Variants in DRC11L observed in about 807,000 individuals in gnomAD.
DRC11L encodes dynein regulatory complex subunit like-11.
chr7:151,199,574 C>A, the DRC11L span, among the ~76,000 whole-genome samples: 1 of 152,256 alleles, frequency 6.6e-6, no homozygotes, highest in East Asian at 1.9e-4. This position sits in a 1 kb window ranked among gnomAD's most constrained non-coding sequence, Gnocchi z 5.2. Flanking sequence ...CCCAACAAGT[C>A]TCTGACCTCC....
the DRC11L span, chr7:151,192,494 C>G: frequency 2.5e-6 from 1 of 398,856 alleles, no homozygotes; most frequent in Non-Finnish European, 4.4e-6. Flanking sequence ...GGCTGGGGCA[C>G]AGTGGCCCAG....
At chr7:151,193,868 C>T in the DRC11L span, among the ~76,000 whole-genome samples, 5 of 150,060 alleles carry the variant, frequency 3.3e-5, no homozygotes, top group Admixed American at 3.3e-4. Context: ...GATTGTGCCA[C>T]TGCACTCCAG....
chr7:151,199,809 C>G, the DRC11L span, among the ~76,000 whole-genome samples: 1 of 152,280 alleles, frequency 6.6e-6, no homozygotes, highest in Non-Finnish European at 1.5e-5. The surrounding 1 kb of genome is among the most constrained non-coding windows in gnomAD (Gnocchi z 5.2). Flanking sequence ...CCGGCCACCC[C>G]TCCAGGCTCG....
chr7:151,195,232 G>A, the DRC11L span, among the ~76,000 whole-genome samples: 1 of 152,130 alleles, frequency 6.6e-6, no homozygotes, highest in Non-Finnish European at 1.5e-5. Flanking sequence ...CCTTTCTTGT[G>A]CCTTTGCTTG....
chr7:151,199,227 T>C, the DRC11L span, among the ~76,000 whole-genome samples: 1 of 152,124 alleles, frequency 6.6e-6, no homozygotes, highest in African/African-American at 2.4e-5. The surrounding 1 kb of genome is among the most constrained non-coding windows in gnomAD (Gnocchi z 5.2). Context: ...ACTCTAATAA[T>C]GAGTCTGCTA....
chr7:151,200,717 T>C, the DRC11L span, among the ~76,000 whole-genome samples: 4 of 152,066 alleles, frequency 2.6e-5, no homozygotes, highest in Non-Finnish European at 1.5e-5. Context: ...ATTTGCTATC[T>C]CTTTTGAGGG....
the DRC11L span, chr7:151,191,142 C>T: frequency 2.5e-6 from 1 of 399,624 alleles, no homozygotes. Context: ...TGACCTCACC[C>T]CTCCCCCTTT....
the DRC11L span, among the ~76,000 whole-genome samples, chr7:151,192,052 T>A: frequency 6.6e-6 from 1 of 152,046 alleles, no homozygotes. Context: ...TAGGCAAGGG[T>A]CATCCTCCCA....
the DRC11L span, chr7:151,192,683 C>T: frequency 5.0e-6 from 2 of 399,034 alleles, no homozygotes; most frequent in African/African-American, 2.1e-5. Flanking sequence ...CCCAGGCCTT[C>T]CAGCTTAGCC....
the DRC11L span, among the ~76,000 whole-genome samples, chr7:151,205,269 T>G: frequency 6.6e-6 from 1 of 152,102 alleles, no homozygotes; most frequent in Non-Finnish European, 1.5e-5. Flanking sequence ...AGAGCCCTGG[T>G]TCTGGAATTA....
the DRC11L span, chr7:151,197,916 C>G: frequency 2.5e-6 from 1 of 398,716 alleles, no homozygotes; most frequent in Non-Finnish European, 4.4e-6. Context: ...ACTAAGTGAA[C>G]AAAAGATGAT....
At chr7:151,193,906 CAA>C in the DRC11L span, among the ~76,000 whole-genome samples, 48 of 116,110 alleles carry the variant, frequency 4.1e-4, no homozygotes, top group Non-Finnish European at 3.9e-4. Context: ...GACTCTATCT[CAA>C]AAAAAAAAAA....
the DRC11L span, chr7:151,192,517 C>T: frequency 2.5e-6 from 1 of 398,522 alleles, no homozygotes; most frequent in East Asian, 3.6e-5. Context: ...TATGGGGCTC[C>T]CAAGTTCTCA....
At chr7:151,203,866 A>AC in the DRC11L span, among the ~76,000 whole-genome samples, 5 of 151,890 alleles carry the variant, frequency 3.3e-5, no homozygotes, top group South Asian at 1.0e-3. Flanking sequence ...CTGCGCCCCC[A>AC]CCCCCGACCA....
chr7:151,204,719 G>C, the DRC11L span: 1 of 399,034 alleles, frequency 2.5e-6, no homozygotes, highest in Non-Finnish European at 4.4e-6. Context: ...AGAGCGATGC[G>C]AGCCTGTACT....
At chr7:151,204,683 G>C in the DRC11L span, 1 of 398,998 alleles carries the variant, frequency 2.5e-6, no homozygotes, top group Non-Finnish European at 4.4e-6. Context: ...TGTCGAAGCG[G>C]CGCAGCAGCC....
chr7:151,196,321 G>A, the DRC11L span: 1 of 397,560 alleles, frequency 2.5e-6, no homozygotes, highest in Non-Finnish European at 4.4e-6. Context: ...GACTGGGGTT[G>A]GGTGTTCAGG....
chr7:151,191,650 C>T, the DRC11L span: 1 of 399,316 alleles, frequency 2.5e-6, no homozygotes, highest in Non-Finnish European at 4.4e-6. Context: ...TCAGGGACTC[C>T]TCCTCCTCCC....
At chr7:151,194,314 G>A in the DRC11L span, 2 of 399,156 alleles carry the variant, frequency 5.0e-6, no homozygotes, top group Non-Finnish European at 4.4e-6. Context: ...GGGATGGCAT[G>A]GGCAACTTCT....
Sources: allele counts gnomAD v4.1 joint callset (sites outside exome capture counted in the v4.1 genomes callset), GRCh38; gene constraint gnomAD v4.1.1; non-coding constraint Gnocchi (gnomAD v3.1); transcripts MANE v1.5; gene names NCBI Gene and HGNC (gene_info 2026-07-23, HGNC 2026-07-21).